The following COLEC10 variants were observed in gnomAD, a reference collection of about 807,000 sequenced individuals.
COLEC10 encodes the protein collectin subfamily member 10.
COLEC10 carries 22 observed loss-of-function variants against 28.4 expected under a neutral mutation model. The observed-to-expected ratio is 0.78, with a 90% CI of 0.55 to 1.11. The LOEUF is 1.11. Among genes scored for constraint, COLEC10 ranks in the 50% least tolerant of loss-of-function variants. COLEC10 has a pLI of 0.00. For missense variants in COLEC10, 361 were observed against 344.1 expected, an observed-to-expected ratio of 1.05 and a Z score of -0.39; for synonymous variants, 125 against 116.1, an observed-to-expected ratio of 1.08 and a Z score of -0.49.
Position 119,073,553 on chromosome 8 carries a change from G to A in COLEC10, c.148+6124G>A, listed in dbSNP as rs556668743. Among the ~76,000 whole-genome samples the A allele has an allele frequency of 1.5e-4, 23 of 151,982 alleles. No homozygotes were observed. The South Asian group carries it at 4.6e-3, about 30-fold the overall frequency. ...GCATAAGGACAGACCAATATTTTCA[G>A]TGGTTTGTTTTTTTTTAACTTTTAT... is the stretch of plus-strand genomic sequence containing the variant. On this transcript the variant is annotated intron_variant, in intron 1 of 5. Coordinates refer to ENST00000332843, the MANE Select transcript of COLEC10 (RefSeq NM_006438.5).
rs940438293 is a variant in COLEC10 at position 119,106,475 on chromosome 8, A to G, written c.*284A>G. 3.3e-6 allele frequency: 1 copy of G among 304,636 alleles called. No homozygotes were observed. The highest frequency in any genetic ancestry group is 6.3e-6 in the Non-Finnish European group (1 of 159,220). The allele number at this position is 304,636 out of a possible 1,614,324, so 18.9% of individuals were successfully genotyped here. A position where few individuals can be genotyped will look rare whatever the true frequency, so the allele number is the denominator to read the frequency against. On this transcript the variant is annotated 3_prime_UTR_variant, in exon 6 of 6. Transcript: ENST00000332843. The stretch of plus-strand genomic sequence containing the variant: ...TAGTTGGTTGTCTATATGTCAAATG[A>G]GTTGTTCTCTTGGTATTTGCTCTAC...
chr8:119,076,838 A>G (rs1428670843), intron 1 of COLEC10, among the ~76,000 whole-genome samples: 1 of 152,212 alleles, frequency 6.6e-6, no homozygotes, highest in Non-Finnish European at 1.5e-5. Context: ...CGACAGGACA[A>G]CCAAAAGAAA....
chr8:119,089,894 C>T lies in COLEC10; in HGVS notation c.220+143C>T, dbSNP rs1006256616. The T allele has an allele frequency of 2.3e-5, 15 of 656,958 alleles. No homozygotes were observed. The Admixed American group carries it at 3.4e-4, about 15-fold the overall frequency. 40.7% of individuals were successfully genotyped at this position (656,958 alleles called of 1,614,324 possible). A position where few individuals can be genotyped will look rare whatever the true frequency, so the allele number is the denominator to read the frequency against. ...AATATATTTCACACATGAATTAACT[C>T]GCCATCTGAATGCCCCTCTGAGATT... On this transcript the variant is annotated intron_variant, in intron 2 of 5. Coordinates refer to ENST00000332843, the MANE Select transcript of COLEC10 (RefSeq NM_006438.5).
chr8:119,093,344 C>T (rs992476375), intron 3 of COLEC10, among the ~76,000 whole-genome samples: 1 of 152,160 alleles, frequency 6.6e-6, no homozygotes, highest in Non-Finnish European at 1.5e-5. Flanking sequence ...CATTCGGAGG[C>T]AGGGATGAAG....
At chr8:119,015,446 T>A (rs960716233) in intron 2 of COLEC10, among the ~76,000 whole-genome samples, 4 of 145,432 alleles carry the variant, frequency 2.8e-5, no homozygotes, top group African/African-American at 1.1e-4. Context: ...TGAAGGCAGA[T>A]CTTGTTAGGA....
chr8:119,062,558 C>T (rs377260015), upstream of COLEC10, among the ~76,000 whole-genome samples: 49 of 151,938 alleles, frequency 3.2e-4, no homozygotes, highest in East Asian at 8.1e-3. Flanking sequence ...TGGCTCACTG[C>T]GACCTCCGCC....
At chr8:118,957,520 A>G in the COLEC10 span, among the ~76,000 whole-genome samples, 1 of 152,196 alleles carries the variant, frequency 6.6e-6, no homozygotes, top group Non-Finnish European at 1.5e-5. Flanking sequence ...GATATACCTT[A>G]TGTGTCCAGA....
At chr8:118,960,785 G>GAAAAAAAAAAA in the COLEC10 span, among the ~76,000 whole-genome samples, 1 of 72,556 alleles carries the variant, frequency 1.4e-5, no homozygotes, top group Non-Finnish European at 2.6e-5. Context: ...GAGACTCTGT[G>GAAAAAAAAAAA]AAAAAAAAAA....
chr8:119,041,010 G>A (rs1814484784), intron 2 of COLEC10, among the ~76,000 whole-genome samples: 1 of 152,244 alleles, frequency 6.6e-6, no homozygotes, highest in African/African-American at 2.4e-5. Flanking sequence ...AATTAATGCA[G>A]AGTGAGTCCC....
chr8:119,072,982 A>G (rs775244960), intron 1 of COLEC10, among the ~76,000 whole-genome samples: 9 of 152,304 alleles, frequency 5.9e-5, no homozygotes, highest in Non-Finnish European at 8.8e-5. Flanking sequence ...CCCCCAACAC[A>G]AATAGGACAT....
chr8:119,010,810 G>T (rs1353844331), intron 2 of COLEC10, among the ~76,000 whole-genome samples: 1 of 151,068 alleles, frequency 6.6e-6, no homozygotes, highest in Non-Finnish European at 1.5e-5. Context: ...TTAGTGAGGT[G>T]TCTGTTAATG....
chr8:119,041,432 T>C (rs1178771732), intron 2 of COLEC10, among the ~76,000 whole-genome samples: 1 of 152,222 alleles, frequency 6.6e-6, no homozygotes, highest in Non-Finnish European at 1.5e-5. Flanking sequence ...ATGAAGTAGA[T>C]ATAGACAAAA....
chr8:118,953,377 A>G, the COLEC10 span, among the ~76,000 whole-genome samples: 1 of 152,254 alleles, frequency 6.6e-6, no homozygotes, highest in Non-Finnish European at 1.5e-5. Flanking sequence ...ACTCAAGTCA[A>G]TCCAAGTGTT....
chr8:118,985,914 GTTTTCACCGTC>G, the COLEC10 span, among the ~76,000 whole-genome samples: 2 of 151,970 alleles, frequency 1.3e-5, no homozygotes, highest in African/African-American at 4.8e-5. Flanking sequence ...CCGATCTGAA[GTTTTCACCGTC>G]TTTCAACAAT....
upstream of COLEC10, among the ~76,000 whole-genome samples, chr8:119,066,638 A>G (rs1814969126): frequency 6.6e-6 from 1 of 152,236 alleles, no homozygotes; most frequent in African/African-American, 2.4e-5. Context: ...GTGTACCAGA[A>G]AGGCTAAAAG....
chr8:118,985,761 C>A, the COLEC10 span, among the ~76,000 whole-genome samples: 1 of 151,974 alleles, frequency 6.6e-6, no homozygotes, highest in Non-Finnish European at 1.5e-5. Context: ...GGAAGAGAAA[C>A]CTAGAGTCAA....
Position 119,054,414 on chromosome 8 carries a change from G to T in COLEC10, n.236-35266G>T, listed in dbSNP as rs538675995. On this transcript the variant is annotated intron_variant and non_coding_transcript_variant, in intron 2 of 6. Transcript: ENST00000521788. ...ATTGCAATAATCAGATTGCAAACAG[G>T]TCATATAAAGACGTTTGTATTTTAA... 7.2e-5 allele frequency among the ~76,000 whole-genome samples: 11 copies of T among 152,158 alleles called. No individual in the cohort carries two copies. The South Asian group carries it at 2.3e-3, about 32-fold the overall frequency.
At chr8:119,103,206 G>A (rs1376684279) in intron 4 of COLEC10, among the ~76,000 whole-genome samples, 1 of 152,132 alleles carries the variant, frequency 6.6e-6, no homozygotes, top group Non-Finnish European at 1.5e-5. Flanking sequence ...AAGAATGAAA[G>A]ACACATTAAA....
chr8:119,105,230 G>T (rs892034257), intron 5 of COLEC10, among the ~76,000 whole-genome samples: 1 of 152,146 alleles, frequency 6.6e-6, no homozygotes, highest in African/African-American at 2.4e-5. Context: ...AAGTAGGAGA[G>T]AAATGCAGGC....
Sources: allele counts gnomAD v4.1 joint callset (sites outside exome capture counted in the v4.1 genomes callset), GRCh38; gene constraint gnomAD v4.1.1; transcripts MANE v1.5; gene names NCBI Gene and HGNC (gene_info 2026-07-23, HGNC 2026-07-21).